The following CDKN2A variants were observed in gnomAD, a reference collection of about 807,000 sequenced individuals.
CDKN2A encodes cyclin-dependent kinase inhibitor 2A.
CDKN2A carries 3 observed loss-of-function variants against 11.1 expected under a neutral mutation model. That is an observed-to-expected ratio of 0.27 (90% CI 0.12 to 0.70). The LOEUF is 0.70. Ranked by LOEUF, CDKN2A falls within the 30% of genes least tolerant of loss-of-function variation. The pLI, the probability that CDKN2A is intolerant of heterozygous loss-of-function variation, is 0.77. For synonymous variants in CDKN2A, 122 were observed against 108.1 expected, an observed-to-expected ratio of 1.13 and a Z score of -0.80; for missense variants, 265 against 233.6, an observed-to-expected ratio of 1.13 and a Z score of -0.88.
Position 21,991,772 on chromosome 9 carries a change from A to G in CDKN2A, c.-4+2110T>C. The stretch of plus-strand genomic sequence containing the variant: ...AAAATTCAAGAGTACTCAAAGAAGT[A>G]AAATGAATATAAGTCTTGATTTCTG... On this transcript the variant is annotated intron_variant, in intron 2 of 3. Coordinates refer to the CDKN2A transcript ENST00000494262. This position sits in a 1 kb window ranked among gnomAD's most constrained non-coding sequence, Gnocchi z 5.2. The G allele has an allele frequency of 1.0e-6, 1 of 985,268 alleles. No homozygotes were observed. Among genetic ancestry groups the G allele is most frequent in the Non-Finnish European group, 1.2e-6 (1 of 829,784 alleles). The allele number at this position is 985,268 out of a possible 1,614,324, so 61.0% of individuals were successfully genotyped here. A position where few individuals can be genotyped will look rare whatever the true frequency, so the allele number is the denominator to read the frequency against.
At chr9:21,975,634 C>T (rs1820005913), upstream of CDKN2A, among the ~76,000 whole-genome samples, 1 of 152,148 alleles carries the variant, frequency 6.6e-6, no homozygotes, top group South Asian at 2.1e-4. Flanking sequence ...GTGTACATTG[C>T]CTGGTATAAG....
chr9:21,978,577 T>C (rs972182744), upstream of CDKN2A, among the ~76,000 whole-genome samples: 1 of 152,196 alleles, frequency 6.6e-6, no homozygotes, highest in Non-Finnish European at 1.5e-5. Flanking sequence ...TTGTTGGTTA[T>C]TGTTATTATT....
rs1222078368 is a variant in CDKN2A, at chr9:21,974,578, T to G, written c.150+100A>C. On this transcript the variant is annotated intron_variant, in intron 1 of 2. Transcript: ENST00000304494. The surrounding 1 kb of genome is among the most constrained non-coding windows in gnomAD (Gnocchi z 5.2). ...AACTCCCCAGGAAGCCTCCCCTTTT[T>G]CCGGAGAATCGAAGCGCTACCTGAT... The G allele has an allele frequency of 6.2e-7, 1 of 1,613,798 alleles. No individual in the cohort carries two copies.
In CDKN2A at chr9:21,968,749, C is replaced by A. The variant is rs1449519764; in HGVS notation, c.458-507G>T. The stretch of plus-strand genomic sequence containing the variant: ...CCTACGCATGCCTGCTTCTACAAAC[C>A]CACAAATGGTTTCCGATCATTTCTG... On this transcript the variant is annotated intron_variant, in intron 2 of 2. Coordinates refer to ENST00000304494, the MANE Select transcript of CDKN2A (RefSeq NM_000077.5). The surrounding 1 kb of genome is among the most constrained non-coding windows in gnomAD (Gnocchi z 4.7). The A allele has an allele frequency of 6.5e-7, 1 of 1,536,156 alleles. No individual in the cohort carries two copies. The highest frequency in any genetic ancestry group is 8.7e-7 in the Non-Finnish European group (1 of 1,146,918).
upstream of CDKN2A, among the ~76,000 whole-genome samples, chr9:21,979,606 G>C (rs1820127371): frequency 1.3e-5 from 2 of 152,190 alleles, no homozygotes; most frequent in South Asian, 4.1e-4. Flanking sequence ...GTCAGAACGG[G>C]GAGGAAGTTG....
chr9:21,968,839 G>T lies in CDKN2A; in HGVS notation c.458-597C>A. On this transcript the variant is annotated intron_variant, in intron 2 of 2. Coordinates refer to ENST00000304494, the MANE Select transcript of CDKN2A (RefSeq NM_000077.5). This position sits in a 1 kb window ranked among gnomAD's most constrained non-coding sequence, Gnocchi z 4.7. ...CTGCCTTCCTCTCTAATCTCGTTGC[G>T]TATGGGCTCCAGCTCGCCGTTCGGT... 1 of 1,472,718 alleles carries T rather than the reference G, an allele frequency of 6.8e-7. No homozygotes were observed. The highest frequency in any genetic ancestry group is 9.2e-7 in the Non-Finnish European group (1 of 1,089,530). The allele number at this position is 1,472,718 out of a possible 1,614,324, so 91.2% of individuals were successfully genotyped here.
At chr9:21,970,487 GAGGTTGGT>G in intron 2 of CDKN2A, 1 of 416,698 alleles carries the variant, frequency 2.4e-6, no homozygotes, top group Non-Finnish European at 4.3e-6. Context: ...TGGAAATCCT[GAGGTTGGT>G]CCAGCCAGCT....
chr9:21,968,200 C>A lies in CDKN2A; in HGVS notation c.*29G>T, dbSNP rs11515. ...TCGGTGACTGATGATCTAAGTTTCCCGAGGTTTCTCAGAGCCTCTCTGGTT... is the reference window on the plus strand; with the variant it reads ...TCGGTGACTGATGATCTAAGTTTCCAGAGGTTTCTCAGAGCCTCTCTGGTT... On this transcript the variant is annotated 3_prime_UTR_variant, in exon 3 of 3. Coordinates refer to ENST00000304494, the MANE Select transcript of CDKN2A (RefSeq NM_000077.5). This position sits in a 1 kb window ranked among gnomAD's most constrained non-coding sequence, Gnocchi z 4.7. The A allele has an allele frequency of 1.2e-6, 2 of 1,610,578 alleles. No homozygotes were observed. Among genetic ancestry groups the A allele is most frequent in the African/African-American group, 1.3e-5 (1 of 74,792 alleles).
chr9:21,992,130 A>T, intron 2 of CDKN2A: 2 of 825,176 alleles, frequency 2.4e-6, no homozygotes, highest in Non-Finnish European at 2.9e-6. Flanking sequence ...ACATATTTGC[A>T]GAAACTTAAA....
rs1434483085 is a variant in CDKN2A at position 21,974,816 on chromosome 9, C to A, written c.12G>T (p.Ala4=). 1 of 1,600,640 alleles carries A rather than the reference C, an allele frequency of 6.2e-7. No individual in the cohort carries two copies. Among genetic ancestry groups the A allele is most frequent in the South Asian group, 1.1e-5 (1 of 90,712 alleles). The change falls in exon 1 of 3, where the codon GCG becomes GCT. Residue 4 remains alanine (A), a synonymous_variant. Coordinates refer to ENST00000304494, the MANE Select transcript of CDKN2A (RefSeq NM_000077.5). The surrounding 1 kb of genome is among the most constrained non-coding windows in gnomAD (Gnocchi z 5.2). ...CCGAAGGCTCCATGCTGCTCCCCGCCGCCGGCTCCATGCTGCTCCCCGCCG... is the reference window on the plus strand; with the variant it reads ...CCGAAGGCTCCATGCTGCTCCCCGCAGCCGGCTCCATGCTGCTCCCCGCCG... MEP[A]AGSSMEPSAD... is the part of the protein sequence containing the mutation.
chr9:21,987,165 TC>T (rs199802673), intron 2 of CDKN2A, among the ~76,000 whole-genome samples: 2 of 151,308 alleles, frequency 1.3e-5, no homozygotes, highest in Admixed American at 6.6e-5. Context: ...CATCTATATT[TC>T]CCCCCCCATC....
upstream of CDKN2A, among the ~76,000 whole-genome samples, chr9:21,979,809 G>A (rs1356298165): frequency 3.9e-5 from 6 of 152,142 alleles, no homozygotes; most frequent in African/African-American, 1.4e-4. Flanking sequence ...AGCTGAGGGT[G>A]GAGATCATGA....
At chr9:21,973,858 T>C (rs13288666) in intron 1 of CDKN2A, among the ~76,000 whole-genome samples, 5,673 of 152,254 alleles carry the variant, frequency 0.037, 142 homozygotes, top group Middle Eastern at 0.075. Flanking sequence ...ACACAATATG[T>C]AGTTGCTTCT....
rs192633385 is a variant in CDKN2A, at chr9:21,993,634, C to A, written c.-4+248G>T. 1.3e-4 allele frequency among the ~76,000 whole-genome samples: 20 copies of A among 152,310 alleles called. No homozygotes were observed. The East Asian group carries it at 3.7e-3, about 28-fold the overall frequency. ...TTGTTAGCATTTCAGGAAGTCGCTG[C>A]CTGCGTGCCCCGTATCTCACGGGTC... On this transcript the variant is annotated intron_variant, in intron 2 of 3. Transcript: ENST00000494262.
rs1820538211 is a variant in CDKN2A at position 21,994,329 on chromosome 9, C to T, written c.-175-276G>A. ...GGAGGGTCACCAAGAACCTGCGCAC[C>T]ATGTTCTCGCCGCCTCCAGGGCCGA... On this transcript the variant is annotated intron_variant, in intron 1 of 3. Transcript: ENST00000494262. 6.2e-7 allele frequency: 1 copy of T among 1,606,272 alleles called. No individual in the cohort carries two copies. Among genetic ancestry groups the T allele is most frequent in the Non-Finnish European group, 8.5e-7 (1 of 1,177,814 alleles).
upstream of CDKN2A, among the ~76,000 whole-genome samples, chr9:21,976,687 C>T (rs1168012521): frequency 5.3e-5 from 8 of 152,080 alleles, no homozygotes; most frequent in Non-Finnish European, 2.9e-5. Context: ...CATTGCACTC[C>T]AGCCTGGGAG....
Position 21,974,314 on chromosome 9 carries a change from G to C in CDKN2A, c.150+364C>G. On this transcript the variant is annotated intron_variant, in intron 1 of 2. Transcript: ENST00000304494. This position sits in a 1 kb window ranked among gnomAD's most constrained non-coding sequence, Gnocchi z 5.2. ...TCCATCCAGGTATCTGTGAATTGGA[G>C]GCTAAGTAGTCCCAGCACATCTTAC... 2 of 1,064,630 alleles carry C rather than the reference G, an allele frequency of 1.9e-6. No individual in the cohort carries two copies. Among genetic ancestry groups the C allele is most frequent in the Non-Finnish European group, 2.6e-6 (2 of 781,030 alleles). The allele number at this position is 1,064,630 out of a possible 1,614,324, so 65.9% of individuals were successfully genotyped here. A position where few individuals can be genotyped will look rare whatever the true frequency, so the allele number is the denominator to read the frequency against.
intron 2 of CDKN2A, among the ~76,000 whole-genome samples, chr9:21,993,698 G>A (rs1456631916): frequency 6.6e-6 from 1 of 152,174 alleles, no homozygotes; most frequent in African/African-American, 2.4e-5. Flanking sequence ...TGACCCCGCC[G>A]GGAGGCTGGG....
upstream of CDKN2A, among the ~76,000 whole-genome samples, chr9:21,978,894 T>C (rs1820106616): frequency 6.6e-6 from 1 of 152,230 alleles, no homozygotes. Flanking sequence ...TCAACATGTC[T>C]GGGCCTCTGT....
Sources: gnomAD v4.1 joint callset for allele counts (sites outside exome capture counted in the v4.1 genomes callset) on GRCh38, gnomAD v4.1.1 for gene constraint, Gnocchi (gnomAD v3.1) non-coding constraint, MANE v1.5 for transcripts, NCBI Gene and HGNC (gene_info 2026-07-23, HGNC 2026-07-21) for gene names.